The following GLI2 variants were observed in gnomAD, a reference collection of about 807,000 sequenced individuals.
The protein encoded by GLI2 is GLI family zinc finger 2.
A neutral mutation model predicts 78.9 loss-of-function variants in GLI2; 22 were observed. The observed-to-expected ratio is 0.28, with a 90% CI of 0.20 to 0.40. The LOEUF (loss-of-function observed/expected upper bound fraction) is 0.40. Among genes scored for constraint, GLI2 ranks in the 10% least tolerant of loss-of-function variants. The probability of loss-of-function intolerance (pLI) is 1.00; values close to 1 mark genes in which losing one functional copy is unlikely to be tolerated. For missense variants in GLI2, 2,097 were observed against 2,213.2 expected (o/e 0.95, Z 1.05); for synonymous variants, 974 against 963.7 (o/e 1.01, Z -0.20).
chr2:120,968,829 C>T lies in GLI2; in HGVS notation c.759C>T (p.Pro253=). 1.2e-6 allele frequency: 2 copies of T among 1,613,852 alleles called. No homozygotes were observed. The highest frequency in any genetic ancestry group is 2.2e-5 in the South Asian group (2 of 91,070). The change falls in exon 6 of 14, where the codon CCC becomes CCT. Residue 253 remains proline, a synonymous_variant. Coordinates refer to ENST00000361492, the MANE Select transcript of GLI2 (RefSeq NM_001374353.1). ...LDLQRMIRTS[P]NSLVAYINNS... ...TGCAGCGGATGATCCGCACCTCACCCAACTCGCTAGTGGCCTACATCAACA... is the reference window on the plus strand; with the variant it reads ...TGCAGCGGATGATCCGCACCTCACCTAACTCGCTAGTGGCCTACATCAACA...
At chr2:120,807,419 T>C (rs943342893) in intron 2 of GLI2, among the ~76,000 whole-genome samples, 1 of 152,188 alleles carries the variant, frequency 6.6e-6, no homozygotes, top group African/African-American at 2.4e-5. Flanking sequence ...GTAGTTCAGC[T>C]GTTAGTATTA....
intron 3 of GLI2, among the ~76,000 whole-genome samples, chr2:120,936,258 G>A (rs536610067): frequency 1.3e-5 from 2 of 152,284 alleles, no homozygotes; most frequent in East Asian, 3.9e-4. Context: ...AAACTGTTGT[G>A]AGGACTAGAT....
In GLI2 at chr2:120,861,587, C is replaced by G. The variant is rs557929305; in HGVS notation, c.148+64119C>G. 1.1e-4 allele frequency among the ~76,000 whole-genome samples: 17 copies of G among 152,348 alleles called. No individual in the cohort carries two copies. The South Asian group carries it at 2.3e-3, about 20-fold the overall frequency. On this transcript the variant is annotated intron_variant, in intron 2 of 13. Coordinates refer to ENST00000361492, the MANE Select transcript of GLI2 (RefSeq NM_001374353.1). ...TCCAAGCCTGGGCTGCTCTTGGGCC[C>G]TCTTGAGAATTTGGACACCAGGGTT...
At chr2:120,960,762 C>T (rs1347252873) in intron 5 of GLI2, among the ~76,000 whole-genome samples, 1 of 152,242 alleles carries the variant, frequency 6.6e-6, no homozygotes, top group African/African-American at 2.4e-5. Context: ...ATTGGAAAGC[C>T]AAGCCCTGCG....
chr2:120,905,300 G>A (rs1395621890), intron 2 of GLI2, among the ~76,000 whole-genome samples: 9 of 152,072 alleles, frequency 5.9e-5, no homozygotes, highest in South Asian at 2.1e-4. Flanking sequence ...TCTACGGGGC[G>A]CCCCACAGCA....
chr2:120,828,861 C>CAAA (rs3053863), intron 2 of GLI2, among the ~76,000 whole-genome samples: 15,790 of 125,888 alleles, frequency 0.13, 1,412 homozygotes, highest in African/African-American at 0.2. Context: ...CTTCCAACTC[C>CAAA]AAAAAAAAAA....
intron 5 of GLI2, among the ~76,000 whole-genome samples, chr2:120,958,190 C>T (rs1161505769): frequency 6.6e-6 from 1 of 152,158 alleles, no homozygotes; most frequent in Non-Finnish European, 1.5e-5. Context: ...CCAAGCCCTG[C>T]GAGCTGTGTG....
At chr2:120,845,463 G>A (rs933381746) in intron 2 of GLI2, among the ~76,000 whole-genome samples, 2 of 152,186 alleles carry the variant, frequency 1.3e-5, no homozygotes, top group South Asian at 2.1e-4. Flanking sequence ...GCACGCCCAC[G>A]TGGGCCTGGA....
chr2:120,862,033 G>A (rs1687926833), intron 2 of GLI2, among the ~76,000 whole-genome samples: 1 of 152,230 alleles, frequency 6.6e-6, no homozygotes, highest in Non-Finnish European at 1.5e-5. Flanking sequence ...CACCACAGAA[G>A]GGGTGACGTG....
At chr2:120,801,481 A>G (rs1296335451) in intron 2 of GLI2, among the ~76,000 whole-genome samples, 1 of 152,234 alleles carries the variant, frequency 6.6e-6, no homozygotes, top group Non-Finnish European at 1.5e-5. Flanking sequence ...AAAACAGCCT[A>G]CCTGTTCATT....
At chr2:120,959,213 A>G (rs956741647) in intron 5 of GLI2, among the ~76,000 whole-genome samples, 12 of 152,078 alleles carry the variant, frequency 7.9e-5, no homozygotes, top group Admixed American at 7.2e-4. Context: ...TGGTTAACTC[A>G]TCACACCCCA....
Position 120,952,061 on chromosome 2 carries a change from A to G in GLI2, c.457+616A>G, listed in dbSNP as rs1320250570. Among the ~76,000 whole-genome samples, 7 of 152,356 alleles carry G rather than the reference A, an allele frequency of 4.6e-5. No individual in the cohort carries two copies. The East Asian group carries it at 1.3e-3, about 29-fold the overall frequency. On this transcript the variant is annotated intron_variant, in intron 4 of 13. Coordinates refer to ENST00000361492, the MANE Select transcript of GLI2 (RefSeq NM_001374353.1). ...GTCTTTATATGTATAAAGCAGATCT[A>G]AAGTTTTACACTTCTAGTCCCCACC...
intron 1 of GLI2, among the ~76,000 whole-genome samples, chr2:120,759,748 C>T (rs879164454): frequency 2.6e-5 from 4 of 152,114 alleles, no homozygotes; most frequent in Non-Finnish European, 5.9e-5. Flanking sequence ...TCCCCGCCCC[C>T]GAGGTTGGAG....
In GLI2 at chr2:120,806,157, G is replaced by T. The variant is rs939881655; in HGVS notation, c.148+8689G>T. ...AGAACCATTTATCATTACTTGGGAG[G>T]GGGGGAAAGAGATAATTTATTTTAT... On this transcript the variant is annotated intron_variant, in intron 2 of 13. Coordinates refer to ENST00000361492, the MANE Select transcript of GLI2 (RefSeq NM_001374353.1). Among the ~76,000 whole-genome samples, 6 of 152,206 alleles carry T rather than the reference G, an allele frequency of 3.9e-5. No homozygotes were observed. The East Asian group carries it at 7.7e-4, about 20-fold the overall frequency.
chr2:120,809,841 G>T (rs1022653122), intron 2 of GLI2, among the ~76,000 whole-genome samples: 1 of 152,204 alleles, frequency 6.6e-6, no homozygotes, highest in African/African-American at 2.4e-5. Context: ...GGGGAGCTGA[G>T]TAAATCACCG....
chr2:120,950,268 C>G (rs1558907571), intron 3 of GLI2, among the ~76,000 whole-genome samples: 1 of 152,252 alleles, frequency 6.6e-6, no homozygotes, highest in Non-Finnish European at 1.5e-5. Flanking sequence ...TGCACAATGT[C>G]AAATTATAGA....
chr2:120,795,367 A>G (rs10169652), intron 1 of GLI2, among the ~76,000 whole-genome samples: 37,525 of 151,652 alleles, frequency 0.25, 9,665 homozygotes, highest in African/African-American at 0.66. Flanking sequence ...ACTAAAAAAT[A>G]CAAAAATTAG....
chr2:120,977,732 C>T (rs1020356882), intron 9 of GLI2, among the ~76,000 whole-genome samples: 2 of 152,154 alleles, frequency 1.3e-5, no homozygotes, highest in African/African-American at 2.4e-5. Context: ...TGCCTGGGGC[C>T]GTTTTCTCCC....
chr2:120,927,966 G>A (rs541345958), intron 3 of GLI2, among the ~76,000 whole-genome samples: 1 of 152,166 alleles, frequency 6.6e-6, no homozygotes, highest in Non-Finnish European at 1.5e-5. Flanking sequence ...TCCCCAGGTA[G>A]AAGGTGTGGG....
Sources: allele counts gnomAD v4.1 joint callset (sites outside exome capture counted in the v4.1 genomes callset), GRCh38; gene constraint gnomAD v4.1.1; transcripts MANE v1.5; gene names NCBI Gene and HGNC (gene_info 2026-07-23, HGNC 2026-07-21).